CEP89: variants seen among roughly 807,000 people sequenced by gnomAD.
CEP89 encodes centrosomal protein 89, also known as centrosomal protein of 89 kDa.
Under a neutral mutation model 97.6 loss-of-function variants are expected in CEP89, and 95 were observed. The observed-to-expected ratio is 0.97, with a 90% CI of 0.82 to 1.15. The LOEUF is 1.15. Ranked by LOEUF, CEP89 falls within the 50% of genes most tolerant of loss-of-function variation. CEP89 has a pLI of 0.00. For synonymous variants in CEP89, 354 were observed against 349.1 expected (o/e 1.01, Z -0.16); for missense variants, 869 against 947.7 (o/e 0.92, Z 1.09).
intron 16 of CEP89, among the ~76,000 whole-genome samples, chr19:32,894,332 ACTTAT>A (rs1969594886): frequency 6.6e-6 from 1 of 152,112 alleles, no homozygotes; most frequent in South Asian, 2.1e-4. Flanking sequence ...TCAGCACCTA[ACTTAT>A]CTTAGCAAGA....
At position 32,918,869 on chromosome 19, in the gene CEP89, T is replaced by A. The variant is rs1489569065; in HGVS notation, c.1269-530A>T. ...CTTTGAAATGGTTTCTTTTTTCTTT[T>A]TTCTTTTTCTTTTTCTTTTTTTTTT... On this transcript the variant is annotated intron_variant, in intron 12 of 18. Transcript: ENST00000305768. 3.3e-5 allele frequency among the ~76,000 whole-genome samples: 4 copies of A among 121,840 alleles called. No individual in the cohort carries two copies. In the East Asian group the frequency reaches 9.9e-4, roughly 30 times the overall value. The allele number at this position is 121,840 out of a possible 152,430, so 79.9% of individuals were successfully genotyped here.
In CEP89 at chr19:32,877,124, T is replaced by C. The variant is rs1005628197; in HGVS notation, c.*2038A>G. ...TTTGTTAGGTCATCTCCTAGGGAGA[T>C]GATACACAGTTTTCAATCCCAGTGA... On this transcript the variant is annotated 3_prime_UTR_variant, in exon 19 of 19. Coordinates refer to ENST00000305768, the MANE Select transcript of CEP89 (RefSeq NM_032816.5). 2 of 152,218 alleles carry C rather than the reference T, an allele frequency of 1.3e-5. No homozygotes were observed. Among genetic ancestry groups the C allele is most frequent in the Non-Finnish European group, 2.9e-5 (2 of 68,044 alleles). The allele number at this position is 152,218 out of a possible 1,614,324, so 9.4% of individuals were successfully genotyped here.
chr19:32,915,153 T>C (rs1369270438), intron 14 of CEP89, among the ~76,000 whole-genome samples, 184 bp downstream of exon 14: 1 of 151,944 alleles, frequency 6.6e-6, no homozygotes, highest in Non-Finnish European at 1.5e-5. Context: ...GAGTGACTCA[T>C]TATACTCAAA....
At chr19:32,951,775 T>C (rs17528093) in intron 4 of CEP89, among the ~76,000 whole-genome samples, 30,099 of 151,924 alleles carry the variant, frequency 0.2, 3,073 homozygotes, top group African/African-American at 0.23. Context: ...CTACTACACA[T>C]GGCTCCTAAA....
chr19:32,931,274 G>C, intron 9 of CEP89, 155 bp downstream of exon 9: 1 of 619,662 alleles, frequency 1.6e-6, no homozygotes, highest in South Asian at 2.4e-5. Context: ...AGGGAAGGAG[G>C]CAAGAAACAG....
chr19:32,892,188 A>ACAT (rs58382447), intron 16 of CEP89, among the ~76,000 whole-genome samples: 1 of 131,878 alleles, frequency 7.6e-6, no homozygotes, highest in South Asian at 2.4e-4. Context: ...ATATATTTAG[A>ACAT]ATATATATTT....
intron 1 of CEP89, chr19:32,971,329 C>A (rs1971403783): frequency 2.4e-6 from 1 of 418,072 alleles, no homozygotes; most frequent in Non-Finnish European, 4.2e-6. Flanking sequence ...GGCACGGGGA[C>A]GAATGCTACA....
intron 12 of CEP89, among the ~76,000 whole-genome samples, chr19:32,918,603 G>C (rs1970179500): frequency 6.6e-6 from 1 of 152,190 alleles, no homozygotes; most frequent in African/African-American, 2.4e-5. Context: ...AAAGAGGATA[G>C]AGTAGGAGAC....
chr19:32,966,527 T>C, intron 1 of CEP89, 61 bp from the exon 2 acceptor site: 1 of 1,033,640 alleles, frequency 9.7e-7, no homozygotes, highest in East Asian at 2.9e-5. Context: ...CTGAGTCTTG[T>C]CACCACTCTC....
intron 5 of CEP89, among the ~76,000 whole-genome samples, chr19:32,944,759 G>A (rs1263203315): frequency 1.3e-5 from 2 of 152,332 alleles, no homozygotes; most frequent in Non-Finnish European, 2.9e-5. Context: ...TCTGACCAAC[G>A]GTACAAGGGC....
chr19:32,931,873 AAT>A (rs769128928), intron 8 of CEP89, among the ~76,000 whole-genome samples: 3 of 152,202 alleles, frequency 2.0e-5, no homozygotes, highest in Non-Finnish European at 4.4e-5. Context: ...ATGACATAAG[AAT>A]ATGTGCTTTG....
At chr19:32,907,745 C>G (rs1408392596) in intron 14 of CEP89, among the ~76,000 whole-genome samples, 1 of 152,212 alleles carries the variant, frequency 6.6e-6, no homozygotes, top group East Asian at 1.9e-4. Flanking sequence ...TGCCACCACA[C>G]TTGGCCAATT....
chr19:32,968,541 C>T (rs1971332499), intron 1 of CEP89, among the ~76,000 whole-genome samples: 1 of 152,216 alleles, frequency 6.6e-6, no homozygotes, highest in Admixed American at 6.5e-5. Flanking sequence ...AACCACTGCA[C>T]CTGGCCAGAA....
At chr19:32,898,262 G>A (rs1001973798) in intron 16 of CEP89, among the ~76,000 whole-genome samples, 1 of 152,188 alleles carries the variant, frequency 6.6e-6, no homozygotes, top group Non-Finnish European at 1.5e-5. Flanking sequence ...ATTACGTTAA[G>A]TAAAATAAGC....
chr19:32,900,246 A>ATT (rs55730702), intron 15 of CEP89, among the ~76,000 whole-genome samples: 1,640 of 133,932 alleles, frequency 0.012, 41 homozygotes, highest in African/African-American at 0.018. Context: ...GAATAGGTTC[A>ATT]TTTTTTTTTT....
At chr19:32,897,635 A>C (rs1435548612) in intron 16 of CEP89, among the ~76,000 whole-genome samples, 1 of 152,108 alleles carries the variant, frequency 6.6e-6, no homozygotes, top group Non-Finnish European at 1.5e-5. Context: ...GCTGGAGTAC[A>C]GTGGAATGAT....
intron 11 of CEP89, among the ~76,000 whole-genome samples, chr19:32,925,132 C>A (rs1970327284): frequency 1.3e-5 from 2 of 152,114 alleles, no homozygotes; most frequent in African/African-American, 4.8e-5. Context: ...TCTTAAAGGA[C>A]CCTCCCAGCT....
intron 10 of CEP89, 92 bp downstream of exon 10, chr19:32,926,842 A>G (rs1223461814): frequency 9.1e-7 from 1 of 1,100,142 alleles, no homozygotes; most frequent in African/African-American, 1.6e-5. Context: ...GATTACAGAC[A>G]TGAGCCACCG....
chr19:32,944,126 C>T (rs1425866637), intron 5 of CEP89, among the ~76,000 whole-genome samples: 1 of 148,312 alleles, frequency 6.7e-6, no homozygotes, highest in Admixed American at 6.8e-5. Context: ...ATTCAGGAGG[C>T]TGAGGTGGGA....
Sources: gnomAD v4.1 joint callset for allele counts (sites outside exome capture counted in the v4.1 genomes callset) on GRCh38, gnomAD v4.1.1 for gene constraint, MANE v1.5 for transcripts, NCBI Gene and HGNC (gene_info 2026-07-23, HGNC 2026-07-21) for gene names.